DOCK10: variants seen among roughly 807,000 people sequenced by gnomAD.
DOCK10 encodes dedicator of cytokinesis 10.
A neutral mutation model predicts 280.1 loss-of-function variants in DOCK10; 145 were observed. The observed-to-expected ratio is 0.52, with a 90% CI of 0.45 to 0.59. DOCK10 has a LOEUF of 0.59. Among genes scored for constraint, DOCK10 ranks in the 20% least tolerant of loss-of-function variants. The pLI, the probability that DOCK10 is intolerant of heterozygous loss-of-function variation, is 0.00. For synonymous variants in DOCK10, 915 were observed against 942.2 expected (o/e 0.97, Z 0.53); for missense variants, 2,368 against 2,651.7 (o/e 0.89, Z 2.35).
chr2:224,886,411 CTAAT>C (rs775877345), intron 5 of DOCK10, 44 bp downstream of exon 5: 2 of 1,555,836 alleles, frequency 1.3e-6, no homozygotes. Flanking sequence ...AAGACAGAAA[CTAAT>C]TATCCTCATG....
chr2:224,776,314 A>G (rs1452574115), intron 51 of DOCK10, among the ~76,000 whole-genome samples: 1 of 152,212 alleles, frequency 6.6e-6, no homozygotes, highest in Non-Finnish European at 1.5e-5. Flanking sequence ...ACCATTTTAC[A>G]TCAAAAATAG....
At chr2:224,890,646 A>G (rs1244882775) in intron 4 of DOCK10, among the ~76,000 whole-genome samples, 1 of 152,364 alleles carries the variant, frequency 6.6e-6, no homozygotes, top group African/African-American at 2.4e-5. Context: ...CAACGTGGAT[A>G]TCACTCAGAA....
chr2:224,773,987 AAAT>A (rs1325748626), intron 52 of DOCK10, among the ~76,000 whole-genome samples: 1 of 152,226 alleles, frequency 6.6e-6, no homozygotes, highest in Non-Finnish European at 1.5e-5. Context: ...CTTGTAATTC[AAAT>A]AAAAACTACA....
At chr2:224,872,135 T>A (rs757835804) in intron 11 of DOCK10, among the ~76,000 whole-genome samples, 9 of 152,230 alleles carry the variant, frequency 5.9e-5, no homozygotes, top group Non-Finnish European at 1.2e-4. Context: ...GACAAGATTC[T>A]TATTGGTGAC....
intron 11 of DOCK10, among the ~76,000 whole-genome samples, chr2:224,871,275 T>C (rs1242313896): frequency 6.6e-6 from 1 of 152,204 alleles, no homozygotes; most frequent in African/African-American, 2.4e-5. Context: ...GGCATCACAA[T>C]GTGTAAAACC....
chr2:224,952,433 G>A (rs1452153343), intron 1 of DOCK10, among the ~76,000 whole-genome samples: 5 of 152,076 alleles, frequency 3.3e-5, no homozygotes, highest in Non-Finnish European at 7.4e-5. Flanking sequence ...AATACTGGCA[G>A]TGAAATACAG....
At chr2:224,977,337 G>T (rs1705498826) in intron 1 of DOCK10, among the ~76,000 whole-genome samples, 1 of 152,094 alleles carries the variant, frequency 6.6e-6, no homozygotes, top group Non-Finnish European at 1.5e-5. Flanking sequence ...GAGACTAGTA[G>T]CCTGACCAAC....
chr2:225,040,515 T>TGTGTGC (rs760083427), intron 1 of DOCK10, among the ~76,000 whole-genome samples: 2 of 33,356 alleles, frequency 6.0e-5, no homozygotes, highest in Non-Finnish European at 1.2e-4. Flanking sequence ...AAGCAGTGCG[T>TGTGTGC]GTGTGTGTGT....
At chr2:224,819,626 TAAACTA>T (rs1477201854) in intron 28 of DOCK10, 97 bp from the exon 29 acceptor site, 1 of 767,228 alleles carries the variant, frequency 1.3e-6, no homozygotes, top group East Asian at 2.9e-5. Flanking sequence ...AAAATAACAC[TAAACTA>T]AATGTGTTGT....
rs546331433 is a variant in DOCK10 at position 224,792,789 on chromosome 2, A to C, written c.5311+185T>G. On this transcript the variant is annotated intron_variant, in intron 47 of 55. Transcript: ENST00000258390. ...TTGCTGACAACTTTTCAGTTATTTA[A>C]ATTTTATAAATTTTGGATGGGATTT... 9.8e-5 allele frequency among the ~76,000 whole-genome samples: 15 copies of C among 152,288 alleles called. No homozygotes were observed. In the South Asian group the frequency reaches 3.1e-3, roughly 32 times the overall value.
intron 3 of DOCK10, among the ~76,000 whole-genome samples, chr2:224,908,184 ATG>A (rs71062966): frequency 8.8e-5 from 13 of 148,372 alleles, no homozygotes; most frequent in Non-Finnish European, 1.5e-4. Flanking sequence ...GTGTGTGTGT[ATG>A]TGTGTGTGTG....
intron 1 of DOCK10, among the ~76,000 whole-genome samples, chr2:225,016,685 A>G (rs281536): frequency 0.41 from 34,460 of 84,800 alleles, 10,421 homozygotes; most frequent in South Asian, 0.61. Context: ...GTGCACATAG[A>G]TATATGTGTA....
chr2:224,953,648 G>A (rs923919249), intron 1 of DOCK10, among the ~76,000 whole-genome samples: 3 of 152,144 alleles, frequency 2.0e-5, no homozygotes, highest in Non-Finnish European at 1.5e-5. Context: ...ATTTCTAAAC[G>A]TACAGTTTTC....
At chr2:225,002,578 T>C (rs1373036822) in intron 1 of DOCK10, among the ~76,000 whole-genome samples, 3 of 152,216 alleles carry the variant, frequency 2.0e-5, no homozygotes, top group African/African-American at 7.2e-5. Flanking sequence ...ATGAGAATAT[T>C]TGGAGACAGA....
intron 4 of DOCK10, among the ~76,000 whole-genome samples, chr2:224,895,841 G>GTATATATATATATATATATATATA (rs71410338): frequency 2.2e-5 from 3 of 136,096 alleles, no homozygotes; most frequent in African/African-American, 3.1e-5. Context: ...GCGTGTGTGT[G>GTATATATATATATATATATATATA]TATATATATA....
chr2:224,925,425 C>T (rs1224769606), intron 2 of DOCK10, among the ~76,000 whole-genome samples: 1 of 152,144 alleles, frequency 6.6e-6, no homozygotes, highest in Non-Finnish European at 1.5e-5. Context: ...TACCCTGGGA[C>T]ACAATTCTGA....
rs575795013 is a variant in DOCK10, at chr2:224,796,010, TGCTCAAA to T, written c.4938+299_4938+305del. 7.8e-3 allele frequency among the ~76,000 whole-genome samples: 1,166 copies of T among 148,764 alleles called. 10 individuals are homozygous for T. The highest frequency in any genetic ancestry group is 0.038 in the Middle Eastern group (11 of 288). On this transcript the variant is annotated intron_variant, in intron 44 of 55. Transcript: ENST00000258390. Reference sequence around the variant, plus strand: ...AAACTTGATAGTTTACTTTGAGGAGTGCTCAAAGCTCAAAGTCTCAATAAACAAAATA... The same window carrying T: ...AAACTTGATAGTTTACTTTGAGGAGTGCTCAAAGTCTCAATAAACAAAATA...
intron 3 of DOCK10, among the ~76,000 whole-genome samples, chr2:224,914,797 C>A (rs1231145837): frequency 6.6e-6 from 1 of 151,974 alleles, no homozygotes; most frequent in Non-Finnish European, 1.5e-5. Flanking sequence ...AGATAAAAAT[C>A]AAAGAAACAA....
intron 7 of DOCK10, 133 bp downstream of exon 7, chr2:224,885,538 G>C (rs958657202): frequency 3.2e-5 from 28 of 874,524 alleles, no homozygotes; most frequent in Non-Finnish European, 4.0e-5. Flanking sequence ...AGAGATCCAG[G>C]CTGCCTTGTT....
Sources: gnomAD v4.1 joint callset for allele counts (sites outside exome capture counted in the v4.1 genomes callset) on GRCh38, gnomAD v4.1.1 for gene constraint, MANE v1.5 for transcripts, NCBI Gene and HGNC (gene_info 2026-07-23, HGNC 2026-07-21) for gene names.